SH3PXD2A: variants seen among roughly 807,000 people sequenced by gnomAD.
The protein encoded by SH3PXD2A is SH3 and PX domain-containing protein 2A.
SH3PXD2A carries 32 observed loss-of-function variants against 115.2 expected under a neutral mutation model. The ratio of observed to expected loss-of-function variants is 0.28; its 90% CI spans 0.21 to 0.37. The LOEUF (loss-of-function observed/expected upper bound fraction) is 0.37. Among genes scored for constraint, SH3PXD2A ranks in the 10% least tolerant of loss-of-function variants. The probability of loss-of-function intolerance (pLI) is 1.00; values close to 1 mark genes in which losing one functional copy is unlikely to be tolerated. For synonymous variants in SH3PXD2A, 610 were observed against 629.1 expected, an observed-to-expected ratio of 0.97 and a Z score of 0.45; for missense variants, 1,328 against 1,498.7, an observed-to-expected ratio of 0.89 and a Z score of 1.88.
intron 14 of SH3PXD2A, among the ~76,000 whole-genome samples, chr10:103,604,323 G>A (rs1016149858): frequency 2.0e-5 from 3 of 152,200 alleles, no homozygotes; most frequent in Admixed American, 6.5e-5. Flanking sequence ...GGATCCACCC[G>A]CTGTGGTCAT....
chr10:103,833,589 T>C (rs528471934), intron 1 of SH3PXD2A, among the ~76,000 whole-genome samples: 79 of 152,320 alleles, frequency 5.2e-4, no homozygotes, highest in African/African-American at 1.8e-3. Flanking sequence ...TTTTTAAAAG[T>C]TATAATTCCT....
intron 4 of SH3PXD2A, among the ~76,000 whole-genome samples, chr10:103,727,990 T>C (rs1277787510): frequency 6.6e-6 from 1 of 152,142 alleles, no homozygotes; most frequent in African/African-American, 2.4e-5. Context: ...AGCCCAGCCG[T>C]TGTGAGAAGA....
At chr10:103,850,112 G>A (rs982475165) in intron 1 of SH3PXD2A, among the ~76,000 whole-genome samples, 4 of 152,142 alleles carry the variant, frequency 2.6e-5, no homozygotes, top group East Asian at 1.9e-4. Flanking sequence ...TAGCCTCCAC[G>A]GTCAGTTAAC....
intron 1 of SH3PXD2A, among the ~76,000 whole-genome samples, chr10:103,812,705 A>G (rs1273961977): frequency 2.0e-5 from 3 of 152,216 alleles, no homozygotes; most frequent in Non-Finnish European, 4.4e-5. Context: ...CACAGCCTGC[A>G]GGGGAAATGA....
intron 8 of SH3PXD2A, among the ~76,000 whole-genome samples, chr10:103,658,333 G>A (rs2037241278): frequency 6.6e-6 from 1 of 152,206 alleles, no homozygotes; most frequent in South Asian, 2.1e-4. Context: ...GTGCTGGCTG[G>A]GGCCATTGCC....
intron 1 of SH3PXD2A, among the ~76,000 whole-genome samples, chr10:103,814,611 G>A (rs145607078): frequency 1.8e-4 from 28 of 152,254 alleles, no homozygotes; most frequent in African/African-American, 6.7e-4. Flanking sequence ...CTGTGATGCT[G>A]GTAGATCCCC....
At chr10:103,661,569 G>A (rs1259965731) in intron 7 of SH3PXD2A, 1 of 817,712 alleles carries the variant, frequency 1.2e-6, no homozygotes, top group Non-Finnish European at 1.5e-6. Flanking sequence ...CGGCCCATGA[G>A]GGCTGAGGCC....
chr10:103,748,996 GTC>G (rs1203006578), intron 3 of SH3PXD2A, among the ~76,000 whole-genome samples: 1 of 151,312 alleles, frequency 6.6e-6, no homozygotes, highest in Non-Finnish European at 1.5e-5. Flanking sequence ...TTGAGACAGA[GTC>G]TCGCTCTGTT....
intron 1 of SH3PXD2A, among the ~76,000 whole-genome samples, chr10:103,810,983 C>T (rs1388340692): frequency 1.4e-5 from 2 of 144,962 alleles, no homozygotes; most frequent in Non-Finnish European, 3.0e-5. Context: ...CACACACACA[C>T]GGCAGTGGTG....
intron 5 of SH3PXD2A, among the ~76,000 whole-genome samples, chr10:103,695,196 C>G (rs908958298): frequency 6.6e-6 from 1 of 152,072 alleles, no homozygotes; most frequent in African/African-American, 2.4e-5. Flanking sequence ...ACTGACCATC[C>G]CCCTGGCTGC....
At chr10:103,629,180 G>C (rs1371405653) in intron 8 of SH3PXD2A, among the ~76,000 whole-genome samples, 2 of 152,166 alleles carry the variant, frequency 1.3e-5, no homozygotes, top group Non-Finnish European at 2.9e-5. Flanking sequence ...GGGCATCATC[G>C]GCAGGCTGGA....
intron 6 of SH3PXD2A, among the ~76,000 whole-genome samples, chr10:103,674,959 T>C (rs2037513088): frequency 6.6e-6 from 1 of 152,202 alleles, no homozygotes. Context: ...GGAAGTCTGG[T>C]CCAGGGGGCA....
chr10:103,618,345 T>C (rs3781359), intron 10 of SH3PXD2A, among the ~76,000 whole-genome samples: 91,776 of 152,060 alleles, frequency 0.6, 28,240 homozygotes, highest in East Asian at 0.86. Flanking sequence ...GGGTTCAGCT[T>C]TCCCTGTCCC....
chr10:103,653,449 A>G (rs1240182851), intron 8 of SH3PXD2A, among the ~76,000 whole-genome samples: 1 of 152,196 alleles, frequency 6.6e-6, no homozygotes, highest in African/African-American at 2.4e-5. Context: ...CTTCTGTGGG[A>G]TTTCCAGGGC....
intron 7 of SH3PXD2A, among the ~76,000 whole-genome samples, chr10:103,668,187 TCTCA>T (rs1325497503): frequency 1.3e-5 from 2 of 152,266 alleles, no homozygotes; most frequent in African/African-American, 4.8e-5. Context: ...GGCTGGGCTC[TCTCA>T]CTGAGACGGC....
rs114466227 is a variant in SH3PXD2A at position 103,725,024 on chromosome 10, A to G, written c.307-663T>C. On this transcript the variant is annotated intron_variant, in intron 4 of 14. Coordinates refer to ENST00000369774, the MANE Select transcript of SH3PXD2A (RefSeq NM_001394015.1). ...ACCACAAAATTAATTATTTCATGACAAGTTGATAATTGCTGCCAAGGACAA... is the reference window on the plus strand; with the variant it reads ...ACCACAAAATTAATTATTTCATGACGAGTTGATAATTGCTGCCAAGGACAA... Among the ~76,000 whole-genome samples the G allele has an allele frequency of 6.2e-3, 946 of 152,312 alleles. 9 individuals carry two copies. The highest frequency in any genetic ancestry group is 0.022 in the African/African-American group (910 of 41,558).
intron 1 of SH3PXD2A, among the ~76,000 whole-genome samples, chr10:103,842,263 TTA>T (rs2039608806): frequency 2.0e-5 from 3 of 152,150 alleles, no homozygotes; most frequent in Admixed American, 2.0e-4. Flanking sequence ...TATTGTATTC[TTA>T]TTTTTAAATG....
intron 2 of SH3PXD2A, among the ~76,000 whole-genome samples, chr10:103,795,373 G>A (rs4918052): frequency 0.65 from 98,289 of 151,870 alleles, 33,995 homozygotes; most frequent in Non-Finnish European, 0.76. Flanking sequence ...CAGGAGATAT[G>A]GGGAGAGAAG....
chr10:103,604,181 C>T (rs533269960), intron 14 of SH3PXD2A, among the ~76,000 whole-genome samples: 6 of 152,290 alleles, frequency 3.9e-5, no homozygotes, highest in African/African-American at 1.4e-4. Flanking sequence ...CTCGTACCCT[C>T]GATGTTGCTA....
Sources: gnomAD v4.1 joint callset for allele counts (sites outside exome capture counted in the v4.1 genomes callset) on GRCh38, gnomAD v4.1.1 for gene constraint, MANE v1.5 for transcripts, NCBI Gene and HGNC (gene_info 2026-07-23, HGNC 2026-07-21) for gene names.